Variants in PLCB1 observed in about 807,000 individuals in gnomAD.
PLCB1 encodes the protein phospholipase C beta 1.
In PLCB1, 46 loss-of-function variants were observed where a neutral mutation model predicts 161.8. The observed-to-expected ratio is 0.28, with a 90% CI of 0.22 to 0.36. The LOEUF is 0.36. Ranked by LOEUF, PLCB1 falls within the 10% of genes least tolerant of loss-of-function variation. The pLI is 1.00. For synonymous variants in PLCB1, 517 were observed against 503.7 expected, an observed-to-expected ratio of 1.03 and a Z score of -0.35; for missense variants, 1,016 against 1,472.5, an observed-to-expected ratio of 0.69 and a Z score of 5.07.
rs187952661 is a variant in PLCB1, at chr20:8,252,594, G to A, written c.177+102223G>A. Among the ~76,000 whole-genome samples the A allele has an allele frequency of 1.6e-4, 25 of 151,966 alleles. No individual in the cohort carries two copies. In the East Asian group the frequency reaches 3.9e-3, roughly 24 times the overall value. On this transcript the variant is annotated intron_variant, in intron 2 of 31. Transcript: ENST00000338037. ...TTCCATTTTATTAAATAGTTGCTTC[G>A]TGCATAAGCAGTGCAGCTGGACCAC...
chr20:8,476,819 TC>T (rs1329488028), intron 3 of PLCB1, among the ~76,000 whole-genome samples: 1 of 152,148 alleles, frequency 6.6e-6, no homozygotes, highest in African/African-American at 2.4e-5. Context: ...TGTGTGATGT[TC>T]AAAATGATGA....
chr20:8,170,063 TG>T (rs1386766092), intron 2 of PLCB1, among the ~76,000 whole-genome samples: 1 of 152,194 alleles, frequency 6.6e-6, no homozygotes, highest in Non-Finnish European at 1.5e-5. Context: ...TTCCTCCTGC[TG>T]GTCAGTGTCA....
intron 2 of PLCB1, among the ~76,000 whole-genome samples, chr20:8,278,978 TA>T (rs11311727): frequency 0.12 from 15,239 of 123,740 alleles, 888 homozygotes; most frequent in East Asian, 0.25. Context: ...CAGTGTTTTT[TA>T]AAAAAAAAAA....
intron 1 of PLCB1, among the ~76,000 whole-genome samples, chr20:8,137,869 C>T (rs544692936): frequency 1.3e-5 from 2 of 152,276 alleles, no homozygotes; most frequent in East Asian, 3.9e-4. Context: ...TTAAAAAAAA[C>T]CTCTTCAGCC....
At chr20:8,581,879 G>A (rs1986845179) in intron 3 of PLCB1, among the ~76,000 whole-genome samples, 1 of 152,172 alleles carries the variant, frequency 6.6e-6, no homozygotes, top group Non-Finnish European at 1.5e-5. Flanking sequence ...GCCAGAGTAG[G>A]CAAGAAAGTA....
At position 8,846,130 on chromosome 20, in the gene PLCB1, G is replaced by A. The variant is rs530013205; in HGVS notation, c.3424-35492G>A. ...CTGTACAAGTAGCATGGCTGGGGAA[G>A]CCTACAATCATGGCAGAAGGTGAAG... On this transcript the variant is annotated intron_variant, in intron 31 of 31. Coordinates refer to ENST00000338037, the MANE Select transcript of PLCB1 (RefSeq NM_015192.4). Among the ~76,000 whole-genome samples, 72 of 152,318 alleles carry A rather than the reference G, an allele frequency of 4.7e-4. 1 individual carries two copies. Among genetic ancestry groups the A allele is most frequent in the African/African-American group, 1.7e-3 (69 of 41,576 alleles).
intron 3 of PLCB1, among the ~76,000 whole-genome samples, chr20:8,616,730 C>G (rs939554053): frequency 6.6e-6 from 1 of 152,312 alleles, no homozygotes; most frequent in Admixed American, 6.5e-5. Context: ...AATCTTGGAG[C>G]ACTGGTCAAC....
chr20:8,700,476 A>G (rs548568979), intron 11 of PLCB1, among the ~76,000 whole-genome samples: 2 of 152,300 alleles, frequency 1.3e-5, no homozygotes, highest in Admixed American at 6.5e-5. Context: ...CTTCAATTAC[A>G]TCTGTAATCC....
At chr20:8,817,773 A>G (rs553218528) in intron 31 of PLCB1, among the ~76,000 whole-genome samples, 24 of 152,316 alleles carry the variant, frequency 1.6e-4, no homozygotes, top group African/African-American at 5.3e-4. Context: ...AACAGACAGC[A>G]GAATGACCCC....
intron 2 of PLCB1, among the ~76,000 whole-genome samples, chr20:8,268,178 C>T (rs1982078996): frequency 6.6e-6 from 1 of 151,984 alleles, no homozygotes; most frequent in Admixed American, 6.5e-5. Context: ...CAAGTGTTCT[C>T]ATTGTTCAAT....
intron 31 of PLCB1, 103 bp from the exon 32 acceptor site, chr20:8,881,519 T>TTA: frequency 1.3e-6 from 1 of 797,930 alleles, no homozygotes; most frequent in Non-Finnish European, 2.1e-6. Context: ...TAAGTTAATG[T>TTA]ATTCATCAGC....
chr20:8,206,617 A>G (rs537505046), intron 2 of PLCB1, among the ~76,000 whole-genome samples: 200 of 152,284 alleles, frequency 1.3e-3, no homozygotes, highest in African/African-American at 4.6e-3. Context: ...AATACTTACT[A>G]TATTTTAGCT....
intron 2 of PLCB1, among the ~76,000 whole-genome samples, chr20:8,196,602 T>C (rs1004621713): frequency 2.0e-5 from 3 of 151,472 alleles, no homozygotes; most frequent in Non-Finnish European, 4.4e-5. Context: ...TATTCTTTGA[T>C]GGTCAAGTAC....
rs769143808 is a variant in PLCB1 at position 8,739,354 on chromosome 20, C to T, written c.2302C>T (p.Arg768Trp). 6.9e-6 allele frequency: 11 copies of T among 1,605,184 alleles called. No individual in the cohort carries two copies. Among genetic ancestry groups the T allele is most frequent in the South Asian group, 1.1e-5 (1 of 90,868 alleles). Residue 768 changes from arginine to tryptophan, a missense_variant, in exon 21 of 32, where the codon CGG becomes TGG. Arg to Trp is a moderately radical substitution (Grantham distance 101). Transcript: ENST00000338037. ...CCGTATCTTGCCAGTGCAAGCCATTCGGCCAGGTATGGGTAGTGTGCTGAG... is the reference window on the plus strand; with the variant it reads ...CCGTATCTTGCCAGTGCAAGCCATTTGGCCAGGTATGGGTAGTGTGCTGAG... ...GHRILPVQAIRPGYHYICLRN... is the reference protein window; with the variant it reads ...GHRILPVQAIWPGYHYICLRN...
chr20:8,276,933 T>C (rs1600281289), intron 2 of PLCB1, among the ~76,000 whole-genome samples: 3 of 27,336 alleles, frequency 1.1e-4, no homozygotes, highest in African/African-American at 2.6e-4. Context: ...TCTTTTCTTC[T>C]TCTTCTTCTT....
chr20:8,332,495 A>T (rs1985402716), intron 2 of PLCB1, among the ~76,000 whole-genome samples: 1 of 152,216 alleles, frequency 6.6e-6, no homozygotes, highest in Non-Finnish European at 1.5e-5. Flanking sequence ...AATGTACTGG[A>T]CACTATTTTA....
chr20:8,729,140 T>C lies in PLCB1; in HGVS notation c.1854T>C (p.Gly618=), dbSNP rs559952614. 1.0e-4 allele frequency: 167 copies of C among 1,612,274 alleles called. No individual in the cohort carries two copies. The South Asian group carries it at 1.7e-3, about 16-fold the overall frequency. Residue 618 remains glycine (G), a synonymous_variant, in exon 18 of 32, where the codon GGT becomes GGC. Transcript: ENST00000338037. ...TGCCTCAGCTCTTCTGGAATGCAGG[T>C]TGTCAGATGGTGGCACTTAATTTCC... is the stretch of plus-strand genomic sequence containing the variant. The part of the protein sequence containing the change: ...NYMPQLFWNA[G]CQMVALNFQT...
chr20:8,698,184 G>C (rs969064695), intron 11 of PLCB1, among the ~76,000 whole-genome samples: 3 of 152,152 alleles, frequency 2.0e-5, no homozygotes, highest in Admixed American at 6.5e-5. Flanking sequence ...AACTTGGGGA[G>C]TACCTGAAAC....
At chr20:8,745,614 G>A (rs1003561808) in intron 23 of PLCB1, among the ~76,000 whole-genome samples, 1 of 151,622 alleles carries the variant, frequency 6.6e-6, no homozygotes, top group African/African-American at 2.4e-5. Context: ...CATATATTAT[G>A]TGTATAATAT....
Sources: allele counts gnomAD v4.1 joint callset (sites outside exome capture counted in the v4.1 genomes callset), GRCh38; gene constraint gnomAD v4.1.1; transcripts MANE v1.5; gene names NCBI Gene and HGNC (gene_info 2026-07-23, HGNC 2026-07-21).